The following TNC variants were observed in gnomAD, a reference collection of about 807,000 sequenced individuals.
TNC encodes tenascin.
A neutral mutation model predicts 202.4 loss-of-function variants in TNC; 109 were observed. The observed-to-expected ratio is 0.54, with a 90% CI of 0.46 to 0.63. TNC has a LOEUF of 0.63. Among genes scored for constraint, TNC ranks in the 30% least tolerant of loss-of-function variants. The probability of loss-of-function intolerance (pLI) is 0.00; values close to 1 mark genes in which losing one functional copy is unlikely to be tolerated. For synonymous variants in TNC, 1,007 were observed against 1,089.7 expected (o/e 0.92, Z 1.50); for missense variants, 2,756 against 2,833.3 (o/e 0.97, Z 0.62).
chr9:115,077,839 T>C (rs1249526411), intron 7 of TNC, 104 bp downstream of exon 7: 1 of 1,247,434 alleles, frequency 8.0e-7, no homozygotes, highest in East Asian at 2.4e-5. Context: ...CCCTTTCATT[T>C]TTCGTACTGT....
In TNC at chr9:115,084,254, G is replaced by C; in HGVS notation, c.2086C>G (p.Leu696Val). Residue 696 changes from leucine (L) to valine (V), a missense_variant, in exon 4 of 28, where the codon CTG (leucine) becomes GTG (valine). Coordinates refer to ENST00000350763, the MANE Select transcript of TNC (RefSeq NM_002160.4). ...ACAGGAATGCTCTTCTTGTTCTCCA[G>C]GATGGCAAATACACGGATAAAGTAC... ...VEYFIRVFAI[L>V]ENKKSIPVSA... 6.2e-7 allele frequency: 1 copy of C among 1,614,170 alleles called. No homozygotes were observed. Among genetic ancestry groups the C allele is most frequent in the Non-Finnish European group, 8.5e-7 (1 of 1,180,030 alleles).
intron 25 of TNC, among the ~76,000 whole-genome samples, chr9:115,027,387 C>T (rs967942438): frequency 1.3e-5 from 2 of 151,930 alleles, no homozygotes; most frequent in Non-Finnish European, 2.9e-5. Context: ...GTCAGGAGTT[C>T]GAGACCAGCC....
chr9:115,072,004 G>A (rs1010921945), intron 10 of TNC, among the ~76,000 whole-genome samples: 3 of 152,204 alleles, frequency 2.0e-5, no homozygotes, highest in Non-Finnish European at 4.4e-5. Flanking sequence ...AATTGACCAC[G>A]TAAACTCATT....
chr9:115,085,313 T>G (rs943279921), intron 3 of TNC, among the ~76,000 whole-genome samples: 3 of 152,212 alleles, frequency 2.0e-5, no homozygotes, highest in African/African-American at 7.2e-5. Context: ...GACAGGTCAA[T>G]CTTGTAGATA....
intron 16 of TNC, 73 bp from the exon 17 acceptor site, chr9:115,046,755 A>G: frequency 6.4e-7 from 1 of 1,554,920 alleles, no homozygotes; most frequent in Middle Eastern, 2.4e-4. Flanking sequence ...TCTTCTCTCC[A>G]GTAGGGGTAT....
chr9:115,024,875 C>T (rs1829358504), intron 26 of TNC, among the ~76,000 whole-genome samples: 1 of 152,176 alleles, frequency 6.6e-6, no homozygotes, highest in Admixed American at 6.5e-5. Flanking sequence ...CTTTGTGGGT[C>T]TCCTCACTCC....
At chr9:115,047,245 T>TG (rs1459601028) in intron 16 of TNC, among the ~76,000 whole-genome samples, 1 of 151,508 alleles carries the variant, frequency 6.6e-6, no homozygotes, top group Non-Finnish European at 1.5e-5. Flanking sequence ...CTTGACTTTT[T>TG]TTTTTTTTTT....
chr9:115,030,189 CCCCTGCTTTG>C, intron 24 of TNC, 55 bp downstream of exon 24: 2 of 1,500,122 alleles, frequency 1.3e-6, no homozygotes, highest in Non-Finnish European at 1.8e-6. Context: ...CTCTTCTCCT[CCCCTGCTTTG>C]CCCTCTCCCT....
At chr9:115,088,499 G>A (rs1424840817) in intron 2 of TNC, among the ~76,000 whole-genome samples, 6 of 152,082 alleles carry the variant, frequency 3.9e-5, no homozygotes, top group Non-Finnish European at 7.4e-5. Context: ...GACATTACTC[G>A]AGCCCCTTGA....
rs1223809279 is a variant in TNC, at chr9:115,085,936, T to G, written c.1795A>C (p.Asn599His). Residue 599 changes from asparagine (N) to histidine (H), a missense_variant, in exon 3 of 28, where the codon AAC becomes CAC. Coordinates refer to ENST00000350763, the MANE Select transcript of TNC (RefSeq NM_002160.4). Reference sequence around the variant, plus strand: ...CCCGAGACGCATTGTCCTAAGTTGTTGCAGTCACTGGGGCAGGAGTGCTGG... The same window carrying G: ...CCCGAGACGCATTGTCCTAAGTTGTGGCAGTCACTGGGGCAGGAGTGCTGG... Reference protein sequence around the residue: ...CGQHSCPSDCNNLGQCVSGRC... With the variant: ...CGQHSCPSDCHNLGQCVSGRC... 1 of 1,614,008 alleles carries G rather than the reference T, an allele frequency of 6.2e-7. No individual in the cohort carries two copies. The highest frequency in any genetic ancestry group is 1.7e-5 in the Admixed American group (1 of 60,016).
intron 10 of TNC, among the ~76,000 whole-genome samples, chr9:115,070,759 G>A (rs1049810072): frequency 8.5e-5 from 13 of 152,290 alleles, no homozygotes; most frequent in African/African-American, 2.9e-4. Flanking sequence ...TGCTTCTGAT[G>A]GTTGAACCTA....
chr9:115,084,914 G>C (rs1834592082), intron 3 of TNC, among the ~76,000 whole-genome samples: 3 of 152,166 alleles, frequency 2.0e-5, no homozygotes, highest in Non-Finnish European at 4.4e-5. Context: ...GACCAAGCTT[G>C]CTCACCTCAT....
intron 19 of TNC, among the ~76,000 whole-genome samples, chr9:115,040,324 G>T (rs1830635399): frequency 2.0e-5 from 3 of 152,176 alleles, no homozygotes; most frequent in Admixed American, 2.0e-4. Flanking sequence ...GATTAAATGT[G>T]AAGGGTTTAG....
chr9:115,039,448 G>A (rs112315066), intron 19 of TNC, among the ~76,000 whole-genome samples: 2 of 152,228 alleles, frequency 1.3e-5, no homozygotes, highest in African/African-American at 2.4e-5. Context: ...CAAATGACTT[G>A]TTCTGAGAAA....
At chr9:115,092,018 T>C (rs534290476) in intron 1 of TNC, among the ~76,000 whole-genome samples, 1 of 152,064 alleles carries the variant, frequency 6.6e-6, no homozygotes, top group Non-Finnish European at 1.5e-5. Flanking sequence ...GTGGTAGAAA[T>C]AAATATAAGA....
Position 115,082,763 on chromosome 9 carries a change from T to A in TNC, c.2176A>T (p.Thr726Ser). The part of the protein sequence containing the change: ...EGLKFKSIKE[T>S]SVEVEWDPLD... ...GGATCCCACTCCACTTCCACAGATG[T>A]CTCCTTGATGGACTTGAATTTCAGG... The change falls in exon 5 of 28, where the codon ACA (threonine) becomes TCA (serine). Residue 726 changes from threonine to serine, a missense_variant. Physicochemically the swap from Thr to Ser is moderately conservative, Grantham distance 58 (BLOSUM62 1). This residue lies in a region of TNC where 2,559 missense variants were observed against 2,546.0 expected (regional missense o/e 1.01). Transcript: ENST00000350763. 6.2e-7 allele frequency: 1 copy of A among 1,614,158 alleles called. No individual in the cohort carries two copies. Among genetic ancestry groups the A allele is most frequent in the East Asian group, 2.2e-5 (1 of 44,872 alleles).
At chr9:115,050,373 T>C (rs1282388476) in intron 15 of TNC, among the ~76,000 whole-genome samples, 1 of 152,070 alleles carries the variant, frequency 6.6e-6, no homozygotes, top group Non-Finnish European at 1.5e-5. Flanking sequence ...TTTCTTCTGT[T>C]ATGTGGGAGG....
chr9:115,048,115 G>A, intron 16 of TNC, 145 bp downstream of exon 16: 1 of 999,000 alleles, frequency 1.0e-6, no homozygotes, highest in South Asian at 1.6e-5. Context: ...AAGAGGGAGT[G>A]TGGGGAGAAG....
intron 26 of TNC, among the ~76,000 whole-genome samples, chr9:115,025,019 G>A (rs748358984): frequency 2.0e-4 from 30 of 152,272 alleles, no homozygotes; most frequent in African/African-American, 6.0e-4. Flanking sequence ...AGGACGGCAC[G>A]TAGATATTAA....
Sources: gnomAD v4.1 joint callset for allele counts (sites outside exome capture counted in the v4.1 genomes callset) on GRCh38, gnomAD v4.1.1 for gene constraint, gnomAD v4.1.1 regional missense constraint, MANE v1.5 for transcripts, NCBI Gene and HGNC (gene_info 2026-07-23, HGNC 2026-07-21) for gene names.